Variants in TMEM135 observed in about 807,000 individuals in gnomAD.
TMEM135 encodes the protein transmembrane protein 135, also known as peroxisomal membrane protein 52.
Under a neutral mutation model 60.3 loss-of-function variants are expected in TMEM135, and 30 were observed. The ratio of observed to expected loss-of-function variants is 0.50; its 90% CI spans 0.37 to 0.68. TMEM135 has a LOEUF of 0.68. TMEM135 is among the 30% of genes least tolerant of loss of function. The probability of loss-of-function intolerance (pLI) is 0.00; values close to 1 mark genes in which losing one functional copy is unlikely to be tolerated. For missense variants in TMEM135, 468 were observed against 548.8 expected, an observed-to-expected ratio of 0.85 and a Z score of 1.47; for synonymous variants, 190 against 186.7, an observed-to-expected ratio of 1.02 and a Z score of -0.14.
At chr11:87,280,018 A>G (rs1248667419) in intron 6 of TMEM135, among the ~76,000 whole-genome samples, 1 of 152,234 alleles carries the variant, frequency 6.6e-6, no homozygotes, top group Non-Finnish European at 1.5e-5. Flanking sequence ...TTGATATTTT[A>G]TGTAGGCATC....
chr11:87,148,684 T>C (rs1371506781), intron 4 of TMEM135, among the ~76,000 whole-genome samples: 2 of 152,032 alleles, frequency 1.3e-5, no homozygotes, highest in Non-Finnish European at 2.9e-5. Context: ...TTAAATAGAA[T>C]TAAAAAAGAA....
intron 5 of TMEM135, among the ~76,000 whole-genome samples, chr11:87,163,281 T>C (rs932578187): frequency 6.3e-5 from 9 of 143,466 alleles, no homozygotes; most frequent in African/African-American, 2.3e-4. Context: ...AGTGAGAATA[T>C]GCGGTGTTTG....
At chr11:87,133,093 C>G (rs1239499762) in intron 4 of TMEM135, among the ~76,000 whole-genome samples, 1 of 152,092 alleles carries the variant, frequency 6.6e-6, no homozygotes, top group African/African-American at 2.4e-5. Flanking sequence ...CAATTCACAT[C>G]CTGAGGTGAG....
chr11:87,107,882 T>C (rs915823356), intron 4 of TMEM135, among the ~76,000 whole-genome samples: 2 of 152,176 alleles, frequency 1.3e-5, no homozygotes, highest in South Asian at 2.1e-4. Flanking sequence ...CCACCAACAG[T>C]GTAAAAGTGT....
At position 87,072,368 on chromosome 11, in the gene TMEM135, T is replaced by C. The variant is rs116965100; in HGVS notation, c.362+753T>C. ...TGAGTAATTGATCTCAAATCAATTA[T>C]TATTATTATTACTAATTTATTTATT... On this transcript the variant is annotated intron_variant, in intron 3 of 14. Coordinates refer to ENST00000305494, the MANE Select transcript of TMEM135 (RefSeq NM_022918.4). Among the ~76,000 whole-genome samples, 1,286 of 152,282 alleles carry C rather than the reference T, an allele frequency of 8.4e-3. 10 individuals carry two copies. Among genetic ancestry groups the C allele is most frequent in the Middle Eastern group, 0.017 (5 of 294 alleles).
chr11:87,158,408 G>A (rs1591064029), intron 5 of TMEM135, among the ~76,000 whole-genome samples: 1 of 151,902 alleles, frequency 6.6e-6, no homozygotes, highest in East Asian at 1.9e-4. Flanking sequence ...GCCAACATTT[G>A]AAAAGTATGT....
chr11:87,279,290 A>C (rs975021891), intron 6 of TMEM135, among the ~76,000 whole-genome samples: 2 of 152,004 alleles, frequency 1.3e-5, no homozygotes, highest in Admixed American at 1.3e-4. Flanking sequence ...TGGTGTGTCT[A>C]CTTCTTTTTT....
intron 5 of TMEM135, among the ~76,000 whole-genome samples, chr11:87,181,310 A>T (rs1390226005): frequency 1.3e-5 from 2 of 152,188 alleles, no homozygotes; most frequent in Non-Finnish European, 2.9e-5. Flanking sequence ...CAATAAAATG[A>T]GCACAGTGTA....
At chr11:87,269,558 A>C (rs1941824109) in intron 6 of TMEM135, among the ~76,000 whole-genome samples, 2 of 147,736 alleles carry the variant, frequency 1.4e-5, no homozygotes, top group Admixed American at 6.8e-5. Context: ...ATGTGTTCTC[A>C]TTGTTCAATT....
intron 4 of TMEM135, among the ~76,000 whole-genome samples, chr11:87,112,244 A>G (rs1270156292): frequency 1.3e-5 from 2 of 152,226 alleles, no homozygotes; most frequent in South Asian, 2.1e-4. Flanking sequence ...ACTTTGGTCT[A>G]GAAGGTAAGC....
In TMEM135 at chr11:87,157,561, T is replaced by G. The variant is rs532249748; in HGVS notation, c.462+155T>G. The G allele has an allele frequency of 8.8e-5, 55 of 623,884 alleles. 1 individual carries two copies. The South Asian group carries it at 9.3e-4, about 11-fold the overall frequency. 38.6% of individuals were successfully genotyped at this position (623,884 alleles called of 1,614,324 possible). A position where few individuals can be genotyped will look rare whatever the true frequency, so the allele number is the denominator to read the frequency against. ...GTGTACCTGATGAACAAATCCATTT[T>G]AATTCATAGTCATGTTGGAACCAGA... On this transcript the variant is annotated intron_variant, in intron 5 of 14. Coordinates refer to ENST00000305494, the MANE Select transcript of TMEM135 (RefSeq NM_022918.4).
At chr11:87,299,448 C>T (rs1428154940) in intron 7 of TMEM135, among the ~76,000 whole-genome samples, 1 of 152,162 alleles carries the variant, frequency 6.6e-6, no homozygotes, top group East Asian at 1.9e-4. Flanking sequence ...TCCAATCACC[C>T]CCACCAGGTC....
At chr11:87,319,434 G>C (rs1565170717) in intron 14 of TMEM135, 57 bp downstream of exon 14, 6 of 1,276,106 alleles carry the variant, frequency 4.7e-6, no homozygotes, top group Non-Finnish European at 2.3e-6. Context: ...CTTTTTGAGG[G>C]AATATTCTTT....
chr11:87,263,505 A>G (rs1221577990), intron 6 of TMEM135, among the ~76,000 whole-genome samples: 1 of 152,138 alleles, frequency 6.6e-6, no homozygotes, highest in Non-Finnish European at 1.5e-5. Flanking sequence ...GAACTGGTTG[A>G]CATATTTGAC....
chr11:87,266,303 G>A (rs1307610209), intron 6 of TMEM135, among the ~76,000 whole-genome samples: 2 of 152,058 alleles, frequency 1.3e-5, no homozygotes. Context: ...AAGAGAAAAG[G>A]CTCTTTGGAC....
At chr11:87,249,030 T>G (rs2135388892) in intron 6 of TMEM135, among the ~76,000 whole-genome samples, 1 of 152,270 alleles carries the variant, frequency 6.6e-6, no homozygotes, top group African/African-American at 2.4e-5. Flanking sequence ...TCCATGTCTA[T>G]CATCTGCAAA....
chr11:87,233,034 C>G (rs1456262102), intron 5 of TMEM135, among the ~76,000 whole-genome samples: 1 of 151,984 alleles, frequency 6.6e-6, no homozygotes, highest in Admixed American at 6.6e-5. Flanking sequence ...GTCTGTAATC[C>G]CAGCTACTGG....
intron 4 of TMEM135, chr11:87,121,603 T>A (rs1937595096): frequency 6.6e-6 from 1 of 151,620 alleles, no homozygotes; most frequent in Admixed American, 6.6e-5. Context: ...CACAGGAGAT[T>A]AAACTTTCTA....
intron 4 of TMEM135, among the ~76,000 whole-genome samples, chr11:87,154,984 C>CTGGGTTGTTT (rs1369924091): frequency 7.6e-4 from 49 of 64,268 alleles, no homozygotes; most frequent in East Asian, 3.2e-3. Context: ...TGGTGAAATC[C>CTGGGTTGTTT]AGTTTTATTT....
Sources: allele counts gnomAD v4.1 joint callset (sites outside exome capture counted in the v4.1 genomes callset), GRCh38; gene constraint gnomAD v4.1.1; transcripts MANE v1.5; gene names NCBI Gene and HGNC (gene_info 2026-07-23, HGNC 2026-07-21).